Variants in SLC8A2 observed in about 807,000 individuals in gnomAD.
The protein encoded by SLC8A2 is solute carrier family 8 member A2.
A neutral mutation model predicts 70.2 loss-of-function variants in SLC8A2; 14 were observed. The ratio of observed to expected loss-of-function variants is 0.20; its 90% confidence interval spans 0.13 to 0.31. SLC8A2 has a LOEUF of 0.31. SLC8A2 is among the 10% of genes least tolerant of loss of function. SLC8A2 has a pLI of 1.00. For missense variants in SLC8A2, 779 were observed against 1,320.1 expected, an observed-to-expected ratio of 0.59 and a Z score of 6.35; for synonymous variants, 575 against 594.3, an observed-to-expected ratio of 0.97 and a Z score of 0.47.
intron 4 of SLC8A2, among the ~76,000 whole-genome samples, chr19:47,443,668 G>A (rs1400033376): frequency 4.6e-5 from 7 of 152,196 alleles, no homozygotes; most frequent in Admixed American, 2.6e-4. Flanking sequence ...CCACGTAGAC[G>A]CTCCTACCTT....
Position 47,447,832 on chromosome 19 carries a change from C to G in SLC8A2, c.1740G>C (p.Leu580=). 1.3e-6 allele frequency: 2 copies of G among 1,593,690 alleles called. No homozygotes were observed. Among genetic ancestry groups the G allele is most frequent in the Non-Finnish European group, 1.7e-6 (2 of 1,176,286 alleles). ...GVHYEDACGE[L]EFGDDETMKT... ...ACATGGTCTCGTCGTCGCCAAACTC[C>G]AGCTCTCCGCACGCGTCCTCGTAGT... Residue 580 remains leucine (L), a synonymous_variant, in exon 4 of 10, where the codon CTG becomes CTC. Transcript: ENST00000236877. This position sits in a 1 kb window ranked among gnomAD's most constrained non-coding sequence, Gnocchi z 5.1.
Position 47,447,872 on chromosome 19 carries a change from CGCGCCGTGCCGTCCACCGT to C in SLC8A2, c.1681_1699del (p.Thr561AlafsTer22). On this transcript the variant is annotated frameshift_variant, in exon 4 of 10. Transcript: ENST00000236877. LOFTEE classifies it high-confidence loss of function. This position sits in a 1 kb window ranked among gnomAD's most constrained non-coding sequence, Gnocchi z 5.1. ...GTCCTCGTAGTGCACGCCGCCGCCGCGCGCCGTGCCGTCCACCGTGCGGTAGGGAAGGCGCACGGTGCCG... is the reference window on the plus strand; with the variant it reads ...GTCCTCGTAGTGCACGCCGCCGCCGCGCGGTAGGGAAGGCGCACGGTGCCG... 1 of 1,592,890 alleles carries C rather than the reference CGCGCCGTGCCGTCCACCGT, an allele frequency of 6.3e-7. No homozygotes were observed. The highest frequency in any genetic ancestry group is 8.5e-7 in the Non-Finnish European group (1 of 1,173,828).
Position 47,465,581 on chromosome 19 carries a change from G to A in SLC8A2, c.675+148C>T, listed in dbSNP as rs1967446908. On this transcript the variant is annotated intron_variant, in intron 2 of 9. Coordinates refer to ENST00000236877, the MANE Select transcript of SLC8A2 (RefSeq NM_015063.3). This position sits in a 1 kb window ranked among gnomAD's most constrained non-coding sequence, Gnocchi z 5.5. ...TTGGCTCAATTCCCTTGTGTAGTCT[G>A]GTGACCTGCACAACCGTACTTGGCA... 3 of 713,186 alleles carry A rather than the reference G, an allele frequency of 4.2e-6. No homozygotes were observed. The highest frequency in any genetic ancestry group is 2.9e-4 in the Middle Eastern group (1 of 3,396). The allele number at this position is 713,186 out of a possible 1,614,324, so 44.2% of individuals were successfully genotyped here.
At chr19:47,434,223 G>C (rs1478117369) in intron 8 of SLC8A2, among the ~76,000 whole-genome samples, 2 of 152,196 alleles carry the variant, frequency 1.3e-5, no homozygotes, top group African/African-American at 2.4e-5. Flanking sequence ...TGTCAGTTGA[G>C]GCTTCTGCCT....
chr19:47,442,973 G>A (rs1967116797), intron 4 of SLC8A2, among the ~76,000 whole-genome samples: 1 of 152,146 alleles, frequency 6.6e-6, no homozygotes, highest in African/African-American at 2.4e-5. Flanking sequence ...GTGAGCCATG[G>A]CACCTGGCCT....
At chr19:47,461,440 C>G (rs1490818711) in intron 2 of SLC8A2, among the ~76,000 whole-genome samples, 1 of 152,078 alleles carries the variant, frequency 6.6e-6, no homozygotes, top group Non-Finnish European at 1.5e-5. Flanking sequence ...ATCTAGGAGG[C>G]GGAGGTTGCA....
In SLC8A2 at chr19:47,430,191, C is replaced by T. The variant is rs751170982; in HGVS notation, c.2664G>A (p.Pro888=). The change falls in exon 10 of 10, where the codon CCG becomes CCA. Residue 888 remains proline (P), a synonymous_variant. Transcript: ENST00000236877. The surrounding 1 kb of genome is among the most constrained non-coding windows in gnomAD (Gnocchi z 5.9). The part of the protein sequence containing the change: ...RPHIGGELGG[P]RGPKLATTAL... ...CGGTGGTGGCGAGCTTGGGTCCGCG[C>T]GGGCCGCCCAGCTCGCCGCCGATGT... 6.2e-7 allele frequency: 1 copy of T among 1,601,472 alleles called. No individual in the cohort carries two copies. The highest frequency in any genetic ancestry group is 8.5e-7 in the Non-Finnish European group (1 of 1,174,098).
intron 2 of SLC8A2, among the ~76,000 whole-genome samples, chr19:47,458,202 C>A (rs976592028): frequency 6.7e-6 from 1 of 149,926 alleles, no homozygotes; most frequent in Non-Finnish European, 1.5e-5. Context: ...CGTCTCTCCC[C>A]ACCTCTTTCT....
chr19:47,437,343 A>G (rs1305783961), intron 8 of SLC8A2, 119 bp downstream of exon 8: 8 of 736,486 alleles, frequency 1.1e-5, no homozygotes, highest in African/African-American at 3.5e-5. Context: ...GATTCCAGGC[A>G]TGAGCCACCG....
Position 47,465,716 on chromosome 19 carries a change from C to T in SLC8A2, c.675+13G>A, listed in dbSNP as rs113698925. On this transcript the variant is annotated intron_variant, in intron 2 of 9. Coordinates refer to ENST00000236877, the MANE Select transcript of SLC8A2 (RefSeq NM_015063.3). The surrounding 1 kb of genome is among the most constrained non-coding windows in gnomAD (Gnocchi z 5.5). ...CACATGCACCAAGAAAGCATCTATG[C>T]GTCTTTGCTCACCTGGACCACACCG... The T allele has an allele frequency of 5.1e-5, 81 of 1,594,882 alleles. No homozygotes were observed. Among genetic ancestry groups the T allele is most frequent in the Non-Finnish European group, 3.0e-5 (35 of 1,168,144 alleles).
Position 47,468,123 on chromosome 19 carries a change from G to A in SLC8A2, c.-16-1704C>T, listed in dbSNP as rs1053727158. Among the ~76,000 whole-genome samples the A allele has an allele frequency of 2.7e-5, 4 of 150,866 alleles. No individual in the cohort carries two copies. Among genetic ancestry groups the A allele is most frequent in the Admixed American group, 6.6e-5 (1 of 15,126 alleles). Reference sequence around the variant, plus strand: ...AGCACCAGCGTCCTCTCCAGGGCCCGTGAGGTCCTGCCCAACCTGGCCCCG... The same window carrying A: ...AGCACCAGCGTCCTCTCCAGGGCCCATGAGGTCCTGCCCAACCTGGCCCCG... On this transcript the variant is annotated intron_variant, in intron 1 of 9. Coordinates refer to ENST00000236877, the MANE Select transcript of SLC8A2 (RefSeq NM_015063.3). The surrounding 1 kb of genome is among the most constrained non-coding windows in gnomAD (Gnocchi z 5.1).
chr19:47,444,881 T>TGATCTCAGACCCAGTCTCC (rs1967141637), intron 4 of SLC8A2, among the ~76,000 whole-genome samples: 1 of 152,214 alleles, frequency 6.6e-6, no homozygotes, highest in South Asian at 2.1e-4. Flanking sequence ...TGCCAGTCTC[T>TGATCTCAGACCCAGTCTCC]GATCTCAGAC....
At position 47,465,833 on chromosome 19, in the gene SLC8A2, T is replaced by G. The variant is rs1448222235; in HGVS notation, c.571A>C (p.Lys191Gln). 1 of 1,614,178 alleles carries G rather than the reference T, an allele frequency of 6.2e-7. No individual in the cohort carries two copies. Among genetic ancestry groups the G allele is most frequent in the Non-Finnish European group, 8.5e-7 (1 of 1,180,028 alleles). Reference protein sequence around the residue: ...IYVIPAGESRKIKHLRVFFVT... With the variant: ...IYVIPAGESRQIKHLRVFFVT... Reference sequence around the variant, plus strand: ...AAGAAGACTCTCAGGTGCTTGATCTTGCGGCTCTCGCCGGCTGGGATGACG... The same window carrying G: ...AAGAAGACTCTCAGGTGCTTGATCTGGCGGCTCTCGCCGGCTGGGATGACG... Residue 191 changes from lysine (K) to glutamine (Q), a missense_variant, in exon 2 of 10, where the codon AAG becomes CAG. By Grantham distance (53) the Lys-to-Gln change is moderately conservative. Transcript: ENST00000236877. This position sits in a 1 kb window ranked among gnomAD's most constrained non-coding sequence, Gnocchi z 5.5.
At chr19:47,449,012 G>T (rs1410901046) in intron 3 of SLC8A2, among the ~76,000 whole-genome samples, 1 of 152,184 alleles carries the variant, frequency 6.6e-6, no homozygotes, top group Non-Finnish European at 1.5e-5. Flanking sequence ...CACATTTAAT[G>T]ATTTAATTAC....
chr19:47,459,591 CTG>C (rs1235370859), intron 2 of SLC8A2, among the ~76,000 whole-genome samples: 3 of 151,030 alleles, frequency 2.0e-5, no homozygotes, highest in African/African-American at 4.9e-5. Flanking sequence ...TGTGTGTGTC[CTG>C]TGTGTGCGTG....
intron 4 of SLC8A2, among the ~76,000 whole-genome samples, 183 bp from the exon 5 acceptor site, chr19:47,441,623 GA>G (rs2122622864): frequency 6.6e-6 from 1 of 152,214 alleles, no homozygotes; most frequent in East Asian, 1.9e-4. Flanking sequence ...CCATTTGACA[GA>G]AACAAAACCA....
chr19:47,470,345 T>TACACACA (rs57212266), intron 1 of SLC8A2, among the ~76,000 whole-genome samples: 12 of 109,142 alleles, frequency 1.1e-4, no homozygotes, highest in African/African-American at 3.3e-4. Flanking sequence ...CAGGGAGACA[T>TACACACA]CATACACACA....
chr19:47,443,990 G>C (rs1310244289), intron 4 of SLC8A2, among the ~76,000 whole-genome samples: 1 of 151,878 alleles, frequency 6.6e-6, no homozygotes, highest in African/African-American at 2.4e-5. Context: ...TGATCTCCAG[G>C]GCTCAAGCAA....
chr19:47,439,078 G>A (rs527745520), intron 6 of SLC8A2, among the ~76,000 whole-genome samples: 85 of 152,190 alleles, frequency 5.6e-4, no homozygotes, highest in Non-Finnish European at 9.1e-4. Context: ...CTTAGCCCCC[G>A]AAAACCTCCC....
Sources: gnomAD v4.1 joint callset for allele counts (sites outside exome capture counted in the v4.1 genomes callset) on GRCh38, gnomAD v4.1.1 for gene constraint, Gnocchi (gnomAD v3.1) non-coding constraint, MANE v1.5 for transcripts, NCBI Gene and HGNC (gene_info 2026-07-23, HGNC 2026-07-21) for gene names.